The following NIBAN2 variants were observed in gnomAD, a reference collection of about 807,000 sequenced individuals.
NIBAN2 encodes niban apoptosis regulator 2, also known as protein Niban 2.
Under a neutral mutation model 81.8 loss-of-function variants are expected in NIBAN2, and 36 were observed. That is an observed-to-expected ratio of 0.44 (90% CI 0.34 to 0.58). The LOEUF is 0.58. NIBAN2 is among the 20% of genes least tolerant of loss of function. NIBAN2 has a pLI of 0.02. For missense variants in NIBAN2, 897 were observed against 1,014.1 expected (o/e 0.88, Z 1.57); for synonymous variants, 445 against 441.6 (o/e 1.01, Z -0.10).
rs1481784772 is a variant in NIBAN2, at chr9:127,507,464, G to T, written c.1655-33C>A. 1 of 1,459,146 alleles carries T rather than the reference G, an allele frequency of 6.9e-7. No individual in the cohort carries two copies. The highest frequency in any genetic ancestry group is 9.1e-7 in the Non-Finnish European group (1 of 1,097,558). 90.4% of individuals were successfully genotyped at this position (1,459,146 alleles called of 1,614,324 possible). Reference sequence around the variant, plus strand: ...GCCACAGGGGAAGGGTCAGGACACAGCACTGATCCCACAGCCGCCCCTGTG... The same window carrying T: ...GCCACAGGGGAAGGGTCAGGACACATCACTGATCCCACAGCCGCCCCTGTG... On this transcript the variant is annotated intron_variant, in intron 13 of 13. Coordinates refer to ENST00000373312, the MANE Select transcript of NIBAN2 (RefSeq NM_022833.4). The surrounding 1 kb of genome is among the most constrained non-coding windows in gnomAD (Gnocchi z 6.8).
At chr9:127,560,255 C>T (rs974105353) in intron 1 of NIBAN2, among the ~76,000 whole-genome samples, 12 of 152,152 alleles carry the variant, frequency 7.9e-5, no homozygotes, top group African/African-American at 2.9e-4. Flanking sequence ...CCAACAGTCA[C>T]GTACATCAGC....
intron 1 of NIBAN2, among the ~76,000 whole-genome samples, chr9:127,574,359 C>T (rs1447112790): frequency 6.6e-6 from 1 of 152,162 alleles, no homozygotes; most frequent in Non-Finnish European, 1.5e-5. Flanking sequence ...AAACCTGCCC[C>T]GCCCCTCCCC....
chr9:127,509,842 C>CCCCTCCTCTCCTTCCCTCCTT (rs1836699630), intron 9 of NIBAN2: 7 of 144,000 alleles, frequency 4.9e-5, no homozygotes, highest in African/African-American at 1.9e-4. Flanking sequence ...CCTTCCCTCT[C>CCCCTCCTCTCCTTCCCTCCTT]CCCTCCTCTC....
intron 8 of NIBAN2, among the ~76,000 whole-genome samples, chr9:127,512,139 C>T (rs953918255): frequency 1.3e-5 from 2 of 152,202 alleles, no homozygotes; most frequent in African/African-American, 4.8e-5. Context: ...CTGCTTCCCT[C>T]CTTTGGAGAG....
At chr9:127,534,693 C>A (rs1037009424) in intron 1 of NIBAN2, among the ~76,000 whole-genome samples, 1 of 152,150 alleles carries the variant, frequency 6.6e-6, no homozygotes. Flanking sequence ...TCATGTCTGT[C>A]CAGATTCCAG....
In NIBAN2 at chr9:127,522,643, G is replaced by A. The variant is rs572695478; in HGVS notation, c.589+1036C>T. On this transcript the variant is annotated intron_variant, in intron 5 of 13. Transcript: ENST00000373312. ...CAGGGCCTCGTGCAGTTCCTCCTCC[G>A]GGCCTACCCCTACCACCTGTGGGTC... Among the ~76,000 whole-genome samples, 6 of 151,796 alleles carry A rather than the reference G, an allele frequency of 4.0e-5. No homozygotes were observed. In the South Asian group the frequency reaches 6.3e-4, roughly 16 times the overall value.
At position 127,534,001 on chromosome 9, in the gene NIBAN2, C is replaced by T. The variant is rs531503142; in HGVS notation, c.56-2223G>A. 3.3e-5 allele frequency among the ~76,000 whole-genome samples: 5 copies of T among 152,338 alleles called. No homozygotes were observed. The East Asian group carries it at 9.7e-4, about 29-fold the overall frequency. On this transcript the variant is annotated intron_variant, in intron 1 of 13. Transcript: ENST00000373312. Reference sequence around the variant, plus strand: ...CCACATCAGGCTCAGCACGTGTGCTCCTGGGTGCCCCCATGTTCAGATGAA... The same window carrying T: ...CCACATCAGGCTCAGCACGTGTGCTTCTGGGTGCCCCCATGTTCAGATGAA...
chr9:127,514,045 G>A (rs1008033581), intron 8 of NIBAN2, among the ~76,000 whole-genome samples: 4 of 152,160 alleles, frequency 2.6e-5, no homozygotes, highest in Non-Finnish European at 5.9e-5. Context: ...GAGGCAGGAA[G>A]ATCACTTGAC....
chr9:127,522,551 A>T (rs1427339606), intron 5 of NIBAN2, among the ~76,000 whole-genome samples: 3 of 151,984 alleles, frequency 2.0e-5, no homozygotes, highest in African/African-American at 7.3e-5. Context: ...GAGGCCTTCA[A>T]GGCTTTTCCA....
At chr9:127,569,153 C>G, upstream of NIBAN2, 1 of 860,946 alleles carries the variant, frequency 1.2e-6, no homozygotes, top group Non-Finnish European at 1.4e-6. Flanking sequence ...GCCAACCCCG[C>G]CCCCTCCCCG....
chr9:127,567,218 A>G (rs1837873624), intron 1 of NIBAN2, among the ~76,000 whole-genome samples: 1 of 151,772 alleles, frequency 6.6e-6, no homozygotes. Flanking sequence ...AACCCCACCG[A>G]ATGCAAGGCA....
chr9:127,566,772 G>A (rs1195889287), intron 1 of NIBAN2, among the ~76,000 whole-genome samples: 1 of 152,074 alleles, frequency 6.6e-6, no homozygotes, highest in African/African-American at 2.4e-5. Context: ...GGTGGGGTGA[G>A]GAGGGTGCCT....
At chr9:127,564,598 C>T (rs933707393) in intron 1 of NIBAN2, among the ~76,000 whole-genome samples, 9 of 152,056 alleles carry the variant, frequency 5.9e-5, no homozygotes, top group African/African-American at 1.4e-4. Context: ...ATAGGTTGGG[C>T]GTGGTGGCTC....
chr9:127,578,907 G>A (rs760427893), intron 1 of NIBAN2: 2 of 1,610,294 alleles, frequency 1.2e-6, no homozygotes, highest in South Asian at 1.1e-5. Flanking sequence ...CTGGGGACTT[G>A]TGCACAAGTC....
rs368342134 is a variant in NIBAN2, at chr9:127,520,648, A to G, written c.590-2707T>C. ...TAGTACATTTTGGCCGGGCACAGTG[A>G]CTCACGCCTGTAATCCCAGCACTTT... On this transcript the variant is annotated intron_variant, in intron 5 of 13. Coordinates refer to ENST00000373312, the MANE Select transcript of NIBAN2 (RefSeq NM_022833.4). 9.5e-4 allele frequency among the ~76,000 whole-genome samples: 145 copies of G among 152,144 alleles called. 2 individuals are homozygous for G. Among genetic ancestry groups the G allele is most frequent in the Middle Eastern group, 6.8e-3 (2 of 294 alleles).
intron 1 of NIBAN2, among the ~76,000 whole-genome samples, chr9:127,556,994 C>T (rs1040887369): frequency 1.3e-5 from 2 of 152,080 alleles, no homozygotes; most frequent in South Asian, 2.1e-4. Context: ...GAAGGATTGC[C>T]GGAGCCCGGG....
intron 1 of NIBAN2, among the ~76,000 whole-genome samples, chr9:127,552,684 G>GTTTTTTTTTT (rs919155330): frequency 3.1e-5 from 3 of 97,974 alleles, no homozygotes; most frequent in East Asian, 3.8e-4. Context: ...TGGAATATTC[G>GTTTTTTTTTT]TTTTTTTTTT....
At chr9:127,557,105 A>C (rs745570520) in intron 1 of NIBAN2, among the ~76,000 whole-genome samples, 1 of 152,152 alleles carries the variant, frequency 6.6e-6, no homozygotes, top group Non-Finnish European at 1.5e-5. Context: ...CAACCATGTG[A>C]GAAGGGCTAC....
rs1328026703 is a variant in NIBAN2 at position 127,507,072 on chromosome 9, G to C, written c.2014C>G (p.Leu672Val). The change falls in exon 14 of 14, where the codon CTG becomes GTG. Residue 672 changes from leucine to valine, a missense_variant. Physicochemically the swap from Leu to Val is conservative, Grantham distance 32. Around this residue, in one of 3 missense-constraint regions of NIBAN2, gnomAD observed 619 missense variants for 691.0 expected, o/e 0.90. Coordinates refer to ENST00000373312, the MANE Select transcript of NIBAN2 (RefSeq NM_022833.4). The surrounding 1 kb of genome is among the most constrained non-coding windows in gnomAD (Gnocchi z 6.8). ...TCCCCAGCGGGGGCCCCGTTGAGCA[G>C]GGGGCCGGCTGGTGGGGGGCTCTCA... ...RPESPPPAGPLLNGAPAGESP... is the reference protein window; with the variant it reads ...RPESPPPAGPVLNGAPAGESP... 2 of 1,575,684 alleles carry C rather than the reference G, an allele frequency of 1.3e-6. No individual in the cohort carries two copies. Among genetic ancestry groups the C allele is most frequent in the South Asian group, 1.1e-5 (1 of 87,996 alleles).
Sources: gnomAD v4.1 joint callset for allele counts (sites outside exome capture counted in the v4.1 genomes callset) on GRCh38, gnomAD v4.1.1 for gene constraint, gnomAD v4.1.1 regional missense constraint, Gnocchi (gnomAD v3.1) non-coding constraint, MANE v1.5 for transcripts, NCBI Gene and HGNC (gene_info 2026-07-23, HGNC 2026-07-21) for gene names.